Variants in MORN1 observed in about 807,000 individuals in gnomAD.
MORN1 encodes the protein MORN repeat-containing protein 1.
MORN1 carries 67 observed loss-of-function variants against 61.9 expected under a neutral mutation model. The observed-to-expected ratio is 1.08, with a 90% CI of 0.89 to 1.33. The LOEUF (loss-of-function observed/expected upper bound fraction) is 1.33. Ranked by LOEUF, MORN1 falls within the 40% of genes most tolerant of loss-of-function variation. The pLI, the probability that MORN1 is intolerant of heterozygous loss-of-function variation, is 0.00. For synonymous variants in MORN1, 301 were observed against 292.0 expected (o/e 1.03, Z -0.31); for missense variants, 752 against 691.2 (o/e 1.09, Z -0.99).
intron 10 of MORN1, among the ~76,000 whole-genome samples, chr1:2,341,692 G>GAAAAAAAAAAA: frequency 7.5e-6 from 1 of 133,830 alleles, no homozygotes; most frequent in Non-Finnish European, 1.6e-5. Flanking sequence ...TCCGTCTCAA[G>GAAAAAAAAAAA]AAAAAAAAAA....
At position 2,385,015 on chromosome 1, in the gene MORN1, T is replaced by C. The variant is rs1642459671; in HGVS notation, c.500A>G (p.His167Arg). 6.3e-7 allele frequency: 1 copy of C among 1,598,192 alleles called. No individual in the cohort carries two copies. Among genetic ancestry groups the C allele is most frequent in the Non-Finnish European group, 8.5e-7 (1 of 1,174,052 alleles). Reference sequence around the variant, plus strand: ...GCCGTCGGCGCAGCGCAGCACCCCGTGTCCCTGACGCCGGTCCCGGACCCA... The same window carrying C: ...GCCGTCGGCGCAGCGCAGCACCCCGCGTCCCTGACGCCGGTCCCGGACCCA... Reference protein sequence around the residue: ...GDWVRDRRQGHGVLRCADGST... With the variant: ...GDWVRDRRQGRGVLRCADGST... The change falls in exon 6 of 14, where the codon CAC becomes CGC. Residue 167 changes from histidine to arginine, a missense_variant. By Grantham distance (29) the His-to-Arg change is conservative (BLOSUM62 0). Transcript: ENST00000378531.
intron 10 of MORN1, chr1:2,351,582 C>T (rs568882779): frequency 7.2e-5 from 18 of 248,480 alleles, no homozygotes; most frequent in African/African-American, 3.0e-4. Context: ...CTGGTGTGGC[C>T]GGGCCGTGTA....
Position 2,387,548 on chromosome 1 carries a change from G to A in MORN1, c.248-19C>T. On this transcript the variant is annotated intron_variant, in intron 3 of 13. Transcript: ENST00000378531. ...GTGTCTCCTGCATGTGGACAAGGAG[G>A]AGGGGAGACAGGAGGTTCAGTTCAG... The A allele has an allele frequency of 1.3e-6, 2 of 1,575,422 alleles. No homozygotes were observed. The highest frequency in any genetic ancestry group is 8.7e-7 in the Non-Finnish European group (1 of 1,150,200).
intron 10 of MORN1, among the ~76,000 whole-genome samples, chr1:2,346,104 T>C (rs1268457592): frequency 7.1e-6 from 1 of 141,726 alleles, no homozygotes; most frequent in African/African-American, 2.7e-5. Context: ...ACCAGGAACC[T>C]TCCTCAGACA....
In MORN1 at chr1:2,387,458, C is replaced by T. The variant is rs776513305; in HGVS notation, c.319G>A (p.Gly107Arg). 9.3e-6 allele frequency: 15 copies of T among 1,613,626 alleles called. No individual in the cohort carries two copies. Among genetic ancestry groups the T allele is most frequent in the African/African-American group, 4.0e-5 (3 of 74,934 alleles). Residue 107 changes from glycine to arginine, a missense_variant, in exon 4 of 14, where the codon GGA becomes AGA. By Grantham distance (125) the Gly-to-Arg change is moderately radical. Transcript: ENST00000378531. The part of the protein sequence containing the change: ...GYGVMEYKAG[G>R]CYEGEVSHGM... Reference sequence around the variant, plus strand: ...TGGGAGACCTCCCCTTCATAACATCCGCCGGCTTTGTACTCCATGACGCCG... The same window carrying T: ...TGGGAGACCTCCCCTTCATAACATCTGCCGGCTTTGTACTCCATGACGCCG...
chr1:2,330,200 T>G (rs1318630729), intron 12 of MORN1, among the ~76,000 whole-genome samples: 1 of 152,210 alleles, frequency 6.6e-6, no homozygotes, highest in Non-Finnish European at 1.5e-5. Flanking sequence ...CACAGCGTGC[T>G]GGCCAGGACT....
intron 6 of MORN1, among the ~76,000 whole-genome samples, chr1:2,379,413 T>C (rs547844081): frequency 3.3e-5 from 5 of 152,210 alleles, no homozygotes; most frequent in Non-Finnish European, 5.9e-5. Context: ...GGCAACTCAG[T>C]GTCCAAGAAG....
intron 1 of MORN1, chr1:2,390,354 A>G (rs752159354): frequency 8.7e-6 from 8 of 921,556 alleles, no homozygotes; most frequent in Non-Finnish European, 1.0e-5. Context: ...AGCCAGGGGA[A>G]GGCAGAGCGG....
intron 8 of MORN1, among the ~76,000 whole-genome samples, chr1:2,364,263 T>C (rs1239193045): frequency 2.0e-5 from 3 of 152,144 alleles, no homozygotes; most frequent in Non-Finnish European, 4.4e-5. Flanking sequence ...AAATCCTAAA[T>C]GTGTATGCCC....
chr1:2,342,317 G>A (rs1442361046), intron 10 of MORN1, among the ~76,000 whole-genome samples: 1 of 152,252 alleles, frequency 6.6e-6, no homozygotes, highest in Non-Finnish European at 1.5e-5. Context: ...GGCTGCTCGG[G>A]CCAGGCCAGC....
At chr1:2,327,564 A>C (rs955029264) in intron 12 of MORN1, among the ~76,000 whole-genome samples, 1 of 152,246 alleles carries the variant, frequency 6.6e-6, no homozygotes, top group African/African-American at 2.4e-5. Flanking sequence ...ACACTGAAAC[A>C]CAGTGGGCGG....
intron 12 of MORN1, among the ~76,000 whole-genome samples, chr1:2,330,395 C>G (rs925413392): frequency 1.3e-5 from 2 of 152,298 alleles, no homozygotes; most frequent in East Asian, 3.9e-4. Flanking sequence ...GAGGGAGGAA[C>G]GGGTCGGTGT....
chr1:2,335,828 T>TAGCCCAGCCCGGCCCGGCCC (rs1553208711), intron 12 of MORN1, among the ~76,000 whole-genome samples: 10 of 143,014 alleles, frequency 7.0e-5, no homozygotes, highest in African/African-American at 3.0e-4. Context: ...CTCGCCTCCA[T>TAGCCCAGCCCGGCCCGGCCC]AGCCCAGCCC....
chr1:2,324,533 G>A (rs1640956131), intron 12 of MORN1, among the ~76,000 whole-genome samples: 2 of 152,232 alleles, frequency 1.3e-5, no homozygotes, highest in Non-Finnish European at 2.9e-5. Context: ...CGAGGCTGGA[G>A]CCTGCAGGGA....
chr1:2,341,888 G>A (rs1383564961), intron 10 of MORN1, among the ~76,000 whole-genome samples: 1 of 152,214 alleles, frequency 6.6e-6, no homozygotes, highest in Admixed American at 6.5e-5. Flanking sequence ...GGCTCAGGGA[G>A]ACACATTCTG....
intron 8 of MORN1, chr1:2,371,908 CAAA>C (rs60972860): frequency 1.0e-3 from 111 of 107,990 alleles, no homozygotes; most frequent in South Asian, 7.3e-3. Flanking sequence ...AACTCCATCT[CAAA>C]AAAAAAAAAA....
At chr1:2,351,929 C>T in intron 10 of MORN1, 1 of 520,226 alleles carries the variant, frequency 1.9e-6, no homozygotes, top group South Asian at 1.6e-5. Flanking sequence ...TGAGGCCACC[C>T]ACGGGCCCAC....
intron 10 of MORN1, among the ~76,000 whole-genome samples, chr1:2,347,112 C>A (rs558698637): frequency 6.6e-6 from 1 of 152,294 alleles, no homozygotes; most frequent in Admixed American, 6.5e-5. Context: ...AAGCACCCTA[C>A]CCAGCTGCAC....
chr1:2,332,576 G>C (rs561850271), intron 12 of MORN1: 2 of 456,314 alleles, frequency 4.4e-6, no homozygotes, highest in Non-Finnish European at 8.8e-6. Context: ...TGAGGGGCAC[G>C]GCAGACCTCC....
Sources: allele counts gnomAD v4.1 joint callset (sites outside exome capture counted in the v4.1 genomes callset), GRCh38; gene constraint gnomAD v4.1.1; transcripts MANE v1.5; gene names NCBI Gene and HGNC (gene_info 2026-07-23, HGNC 2026-07-21).